The following ATRNL1 variants were observed in gnomAD, a reference collection of about 807,000 sequenced individuals.
ATRNL1 encodes the protein attractin-like protein 1.
A neutral mutation model predicts 182.7 loss-of-function variants in ATRNL1; 95 were observed. That is an observed-to-expected ratio of 0.52 (90% confidence interval 0.44 to 0.62). The LOEUF is 0.62. Among genes scored for constraint, ATRNL1 ranks in the 20% least tolerant of loss-of-function variants. ATRNL1 has a pLI of 0.00. For synonymous variants in ATRNL1, 576 were observed against 568.3 expected (o/e 1.01, Z -0.19); for missense variants, 1,471 against 1,679.5 (o/e 0.88, Z 2.17).
chr10:115,699,250 T>C (rs970382076), intron 26 of ATRNL1, among the ~76,000 whole-genome samples: 1 of 152,062 alleles, frequency 6.6e-6, no homozygotes, highest in Admixed American at 6.6e-5. Flanking sequence ...TTAATAAAAT[T>C]CCCATTGCAA....
chr10:115,620,844 A>G (rs1857695101), intron 26 of ATRNL1, among the ~76,000 whole-genome samples: 3 of 152,248 alleles, frequency 2.0e-5, no homozygotes, highest in African/African-American at 7.2e-5. Flanking sequence ...TTAGAATTTT[A>G]GACATGAGAC....
rs148653082 is a variant in ATRNL1 at position 115,251,883 on chromosome 10, C to T, written c.1687+10158C>T. ...CAGAAAGGAAAATCCTGCATCTTGGCAGAAGGCTTTCAAATCAGTAAACTC... is the reference window on the plus strand; with the variant it reads ...CAGAAAGGAAAATCCTGCATCTTGGTAGAAGGCTTTCAAATCAGTAAACTC... On this transcript the variant is annotated intron_variant, in intron 10 of 28. Coordinates refer to ENST00000355044, the MANE Select transcript of ATRNL1 (RefSeq NM_207303.4). Among the ~76,000 whole-genome samples, 170 of 152,272 alleles carry T rather than the reference C, an allele frequency of 1.1e-3. 1 individual carries two copies. The East Asian group carries it at 0.013, about 11-fold the overall frequency.
chr10:115,364,086 T>C (rs1179828012), intron 19 of ATRNL1, among the ~76,000 whole-genome samples: 4 of 149,274 alleles, frequency 2.7e-5, no homozygotes, highest in Non-Finnish European at 4.5e-5. Flanking sequence ...GGGGATGGCA[T>C]TGAATCTGTA....
chr10:115,450,720 A>G (rs1255335063), intron 21 of ATRNL1, among the ~76,000 whole-genome samples: 1 of 152,214 alleles, frequency 6.6e-6, no homozygotes, highest in Admixed American at 6.5e-5. Context: ...TACAGATTCA[A>G]TGCTATTCCC....
chr10:115,720,003 G>C (rs527672084), intron 26 of ATRNL1, among the ~76,000 whole-genome samples: 8 of 151,790 alleles, frequency 5.3e-5, no homozygotes, highest in African/African-American at 1.9e-4. Context: ...GGGATTACAG[G>C]TGTGCGCCAC....
chr10:115,700,874 C>A (rs1033296226), intron 26 of ATRNL1, among the ~76,000 whole-genome samples: 1 of 152,018 alleles, frequency 6.6e-6, no homozygotes. Flanking sequence ...TGCAACACCC[C>A]ACTAACAGCA....
At chr10:115,292,798 G>T (rs782244447) in intron 15 of ATRNL1, among the ~76,000 whole-genome samples, 44 of 152,184 alleles carry the variant, frequency 2.9e-4, no homozygotes, top group Admixed American at 1.5e-3. Flanking sequence ...CATTCCTGGA[G>T]AATGTTCCAC....
At chr10:115,225,374 G>C (rs1403242962) in intron 9 of ATRNL1, among the ~76,000 whole-genome samples, 1 of 151,308 alleles carries the variant, frequency 6.6e-6, no homozygotes, top group Non-Finnish European at 1.5e-5. Context: ...GTGAAATAGA[G>C]AAAGCTTTCC....
intron 8 of ATRNL1, among the ~76,000 whole-genome samples, chr10:115,186,151 T>G (rs781853904): frequency 4.6e-5 from 7 of 151,880 alleles, no homozygotes; most frequent in Non-Finnish European, 8.8e-5. Flanking sequence ...ACAACCCGAT[T>G]AAAAAATGGG....
intron 10 of ATRNL1, among the ~76,000 whole-genome samples, chr10:115,263,833 T>C (rs182087055): frequency 1.2e-3 from 187 of 151,834 alleles, no homozygotes; most frequent in African/African-American, 4.2e-3. Flanking sequence ...CTTGAGGATC[T>C]TAATAGGCAT....
chr10:115,346,713 T>C (rs1855991602), intron 19 of ATRNL1, among the ~76,000 whole-genome samples: 1 of 148,764 alleles, frequency 6.7e-6, no homozygotes, highest in South Asian at 2.2e-4. Context: ...TCAAATCTTT[T>C]ACTTATTTTA....
intron 26 of ATRNL1, among the ~76,000 whole-genome samples, chr10:115,687,859 A>T (rs1470561573): frequency 6.6e-6 from 1 of 152,008 alleles, no homozygotes; most frequent in African/African-American, 2.4e-5. Flanking sequence ...ACATTATATT[A>T]TTGAGAAGTA....
At chr10:115,595,287 G>T (rs1856170730) in intron 26 of ATRNL1, among the ~76,000 whole-genome samples, 1 of 151,800 alleles carries the variant, frequency 6.6e-6, no homozygotes, top group African/African-American at 2.4e-5. Context: ...TTTAAAAGGG[G>T]TCAAGTGTGA....
chr10:115,587,366 C>T (rs1255147509), intron 26 of ATRNL1, among the ~76,000 whole-genome samples: 52 of 151,914 alleles, frequency 3.4e-4, no homozygotes, highest in Admixed American at 9.2e-4. Context: ...GCCTCGCTGC[C>T]GCCTTGCAGT....
At chr10:115,537,340 A>G (rs1181375726) in intron 25 of ATRNL1, among the ~76,000 whole-genome samples, 1 of 152,184 alleles carries the variant, frequency 6.6e-6, no homozygotes, top group Non-Finnish European at 1.5e-5. Context: ...CAAACTTAAC[A>G]TGCTTTAAAT....
intron 28 of ATRNL1, among the ~76,000 whole-genome samples, chr10:115,932,558 G>T (rs1163959169): frequency 6.6e-6 from 1 of 152,116 alleles, no homozygotes; most frequent in Non-Finnish European, 1.5e-5. Context: ...GGCTAGAAGT[G>T]AGTGTTTGCA....
intron 17 of ATRNL1, among the ~76,000 whole-genome samples, chr10:115,306,668 CTTG>C (rs1255624846): frequency 6.6e-6 from 1 of 152,016 alleles, no homozygotes; most frequent in Non-Finnish European, 1.5e-5. Flanking sequence ...TCTCTTTACT[CTTG>C]TTGCAAATAT....
intron 1 of ATRNL1, among the ~76,000 whole-genome samples, chr10:115,103,609 C>T (rs1357854823): frequency 1.3e-5 from 2 of 152,124 alleles, no homozygotes; most frequent in African/African-American, 4.8e-5. Context: ...TTCATTACCT[C>T]AAGCATTTAT....
chr10:115,753,399 A>G (rs1948502627), intron 27 of ATRNL1, among the ~76,000 whole-genome samples: 1 of 151,848 alleles, frequency 6.6e-6, no homozygotes, highest in Non-Finnish European at 1.5e-5. Context: ...TTGTTCAACT[A>G]CCACTTATGA....
Sources: allele counts gnomAD v4.1 joint callset (sites outside exome capture counted in the v4.1 genomes callset), GRCh38; gene constraint gnomAD v4.1.1; transcripts MANE v1.5; gene names NCBI Gene and HGNC (gene_info 2026-07-23, HGNC 2026-07-21).